The following PPP1R12B variants were observed in gnomAD, a reference collection of about 807,000 sequenced individuals.
PPP1R12B encodes the protein myosin phosphatase target subunit 2.
A neutral mutation model predicts 126.1 loss-of-function variants in PPP1R12B; 76 were observed. The ratio of observed to expected loss-of-function variants is 0.60; its 90% CI spans 0.50 to 0.73. PPP1R12B has a LOEUF of 0.73. Among genes scored for constraint, PPP1R12B ranks in the 30% least tolerant of loss-of-function variants. PPP1R12B has a pLI of 0.00. For missense variants in PPP1R12B, 1,052 were observed against 1,205.1 expected, an observed-to-expected ratio of 0.87 and a Z score of 1.88; for synonymous variants, 356 against 434.7, an observed-to-expected ratio of 0.82 and a Z score of 2.25.
chr1:202,353,295 G>C (rs1444411683), intron 1 of PPP1R12B, among the ~76,000 whole-genome samples: 1 of 152,050 alleles, frequency 6.6e-6, no homozygotes. Context: ...AGTTACTTTT[G>C]CCTTACCCTG....
intron 18 of PPP1R12B, among the ~76,000 whole-genome samples, chr1:202,500,202 G>A (rs1187873046): frequency 3.4e-5 from 5 of 146,278 alleles, no homozygotes; most frequent in East Asian, 2.1e-4. Flanking sequence ...TGGTGCTCTC[G>A]CTGTCTCTCT....
chr1:202,564,002 G>A lies in PPP1R12B; in HGVS notation c.2653-441G>A, dbSNP rs188686068. ...TTGAGCCTGGGAGTTCAAGGCTGCA[G>A]TGAGGGGTGATCATGCTACTACACT... On this transcript the variant is annotated intron_variant, in intron 20 of 23. Coordinates refer to ENST00000608999, the MANE Select transcript of PPP1R12B (RefSeq NM_002481.4). Among the ~76,000 whole-genome samples, 128 of 152,314 alleles carry A rather than the reference G, an allele frequency of 8.4e-4. No individual in the cohort carries two copies. In the Middle Eastern group the frequency reaches 0.01, roughly 12 times the overall value.
intron 1 of PPP1R12B, among the ~76,000 whole-genome samples, chr1:202,368,355 G>A (rs970986240): frequency 2.0e-5 from 3 of 152,110 alleles, no homozygotes; most frequent in South Asian, 2.1e-4. Context: ...GCTCCGCTTC[G>A]CCCTCCACTG....
At chr1:202,405,468 A>G (rs1409732614) in intron 1 of PPP1R12B, among the ~76,000 whole-genome samples, 1 of 152,208 alleles carries the variant, frequency 6.6e-6, no homozygotes, top group Non-Finnish European at 1.5e-5. Context: ...GCTCTTGTGT[A>G]GAAAGGAGGG....
intron 18 of PPP1R12B, chr1:202,540,148 T>C: frequency 6.2e-7 from 1 of 1,608,294 alleles, no homozygotes; most frequent in Non-Finnish European, 8.5e-7. Flanking sequence ...CCATGTCCTC[T>C]TTATATACCC....
intron 13 of PPP1R12B, among the ~76,000 whole-genome samples, chr1:202,464,053 G>C (rs916459999): frequency 6.6e-6 from 1 of 152,048 alleles, no homozygotes; most frequent in Non-Finnish European, 1.5e-5. Flanking sequence ...TAACAAAATT[G>C]TATTCATACT....
intron 13 of PPP1R12B, among the ~76,000 whole-genome samples, chr1:202,469,807 T>C (rs1675588191): frequency 6.6e-6 from 1 of 152,228 alleles, no homozygotes; most frequent in Non-Finnish European, 1.5e-5. Context: ...ATAAATCTAA[T>C]TTAGGTCTTT....
Position 202,383,116 on chromosome 1 carries a change from T to C in PPP1R12B, c.292-33671T>C, listed in dbSNP as rs180877534. Among the ~76,000 whole-genome samples the C allele has an allele frequency of 8.5e-5, 13 of 152,342 alleles. No individual in the cohort carries two copies. In the East Asian group the frequency reaches 2.5e-3, roughly 29 times the overall value. ...ATTAAGTTTGCAATTGTTCATGTTT[T>C]AAGAACTGCATAGTCTAACTGCCTT... On this transcript the variant is annotated intron_variant, in intron 1 of 23. Coordinates refer to ENST00000608999, the MANE Select transcript of PPP1R12B (RefSeq NM_002481.4).
At chr1:202,412,026 C>G (rs1005162154) in intron 1 of PPP1R12B, among the ~76,000 whole-genome samples, 39 of 152,218 alleles carry the variant, frequency 2.6e-4, no homozygotes, top group Non-Finnish European at 5.4e-4. Context: ...ATGATTTAGA[C>G]AGTTGGCCTC....
intron 23 of PPP1R12B, among the ~76,000 whole-genome samples, chr1:202,571,339 G>A (rs993944600): frequency 3.3e-5 from 5 of 152,180 alleles, no homozygotes; most frequent in African/African-American, 1.2e-4. Flanking sequence ...CCAGCCATAA[G>A]CCATTTGCCA....
At chr1:202,527,118 A>G (rs1339999780) in intron 18 of PPP1R12B, among the ~76,000 whole-genome samples, 1 of 150,562 alleles carries the variant, frequency 6.6e-6, no homozygotes, top group Non-Finnish European at 1.5e-5. Flanking sequence ...GAATAGCAGT[A>G]GAAATAGTGT....
chr1:202,572,855 C>T (rs1688736016), intron 23 of PPP1R12B, among the ~76,000 whole-genome samples: 2 of 152,160 alleles, frequency 1.3e-5, no homozygotes, highest in Admixed American at 1.3e-4. Context: ...CTGGGCCCTG[C>T]CCCTTCTCCT....
At chr1:202,493,015 A>C (rs1364889217) in intron 14 of PPP1R12B, 99 bp from the exon 15 acceptor site, 1 of 1,301,206 alleles carries the variant, frequency 7.7e-7, no homozygotes, top group Non-Finnish European at 1.1e-6. Flanking sequence ...TCATTTTGGG[A>C]TTTGATAACT....
At chr1:202,394,794 A>G (rs1467559750) in intron 1 of PPP1R12B, among the ~76,000 whole-genome samples, 1 of 152,016 alleles carries the variant, frequency 6.6e-6, no homozygotes, top group Admixed American at 6.6e-5. Context: ...AAGAGAAAGG[A>G]GAAAAAAGAA....
chr1:202,561,860 T>C (rs1197368419), intron 19 of PPP1R12B, among the ~76,000 whole-genome samples: 1 of 152,194 alleles, frequency 6.6e-6, no homozygotes, highest in Non-Finnish European at 1.5e-5. Context: ...TTATTTCAGC[T>C]TCCCCACCCC....
At chr1:202,493,608 T>G (rs1317765107) in intron 15 of PPP1R12B, among the ~76,000 whole-genome samples, 1 of 152,204 alleles carries the variant, frequency 6.6e-6, no homozygotes, top group Non-Finnish European at 1.5e-5. Flanking sequence ...AAGCATATAT[T>G]GAGTGTTTAC....
chr1:202,497,502 T>C (rs1679705591), intron 18 of PPP1R12B, among the ~76,000 whole-genome samples: 1 of 152,256 alleles, frequency 6.6e-6, no homozygotes, highest in South Asian at 2.1e-4. Context: ...GATGACCTTT[T>C]GTATCCTACA....
chr1:202,569,279 C>A, intron 23 of PPP1R12B, 82 bp downstream of exon 23: 1 of 1,383,392 alleles, frequency 7.2e-7, no homozygotes, highest in Non-Finnish European at 1.0e-6. Context: ...AGGCCTGCCC[C>A]CTCCAGATTT....
At chr1:202,385,576 G>T (rs902020761) in intron 1 of PPP1R12B, among the ~76,000 whole-genome samples, 1 of 152,040 alleles carries the variant, frequency 6.6e-6, no homozygotes, top group African/African-American at 2.4e-5. Context: ...GAGTCTTTGG[G>T]GGCTGAGATC....
Sources: allele counts gnomAD v4.1 joint callset (sites outside exome capture counted in the v4.1 genomes callset), GRCh38; gene constraint gnomAD v4.1.1; transcripts MANE v1.5; gene names NCBI Gene and HGNC (gene_info 2026-07-23, HGNC 2026-07-21).